Variants in SLC24A2 observed in about 807,000 individuals in gnomAD.
SLC24A2 encodes sodium/potassium/calcium exchanger 2.
Under a neutral mutation model 62.0 loss-of-function variants are expected in SLC24A2, and 36 were observed. That is an observed-to-expected ratio of 0.58 (90% CI 0.44 to 0.77). The LOEUF is 0.77. Ranked by LOEUF, SLC24A2 falls within the 30% of genes least tolerant of loss-of-function variation. The pLI, the probability that SLC24A2 is intolerant of heterozygous loss-of-function variation, is 0.00. For synonymous variants in SLC24A2, 358 were observed against 294.0 expected (o/e 1.22, Z -2.23); for missense variants, 846 against 817.9 (o/e 1.03, Z -0.42).
At chr9:20,157,717 G>GA in the SLC24A2 span, among the ~76,000 whole-genome samples, 1 of 151,342 alleles carries the variant, frequency 6.6e-6, no homozygotes, top group Non-Finnish European at 1.5e-5. Context: ...ATGTGGCAGT[G>GA]AAGAGAAAAA....
the SLC24A2 span, among the ~76,000 whole-genome samples, chr9:19,837,674 G>A: frequency 5.9e-5 from 9 of 151,918 alleles, no homozygotes; most frequent in Non-Finnish European, 8.8e-5. Context: ...AAACCCCATC[G>A]TCTCAGCCAA....
the SLC24A2 span, among the ~76,000 whole-genome samples, chr9:20,210,916 G>A: frequency 6.6e-6 from 1 of 152,060 alleles, no homozygotes; most frequent in Non-Finnish European, 1.5e-5. Flanking sequence ...CACTGCTGTT[G>A]CTGCCCGCTT....
chr9:19,641,662 G>A (rs966510874), intron 2 of SLC24A2, among the ~76,000 whole-genome samples: 15 of 151,966 alleles, frequency 9.9e-5, no homozygotes, highest in Admixed American at 5.2e-4. Flanking sequence ...CCACAGGTGC[G>A]TGCCACCGTG....
intron 2 of SLC24A2, among the ~76,000 whole-genome samples, chr9:19,782,287 T>G (rs1000379055): frequency 1.3e-5 from 2 of 152,186 alleles, no homozygotes; most frequent in African/African-American, 4.8e-5. Context: ...CCTGCAGGAT[T>G]CAAACTTATT....
chr9:20,103,372 C>A, the SLC24A2 span, among the ~76,000 whole-genome samples: 1 of 152,258 alleles, frequency 6.6e-6, no homozygotes, highest in East Asian at 1.9e-4. Context: ...AGCTGGAGAT[C>A]TGAGAACAGG....
At chr9:20,050,571 G>A in the SLC24A2 span, among the ~76,000 whole-genome samples, 1 of 152,164 alleles carries the variant, frequency 6.6e-6, no homozygotes, top group Non-Finnish European at 1.5e-5. Flanking sequence ...AGTGTTTAAT[G>A]CTTTTTGAAC....
the SLC24A2 span, among the ~76,000 whole-genome samples, chr9:19,873,554 C>CTTTCTTTCTTTCTTTCTTTCTTTCTT: frequency 7.3e-6 from 1 of 136,852 alleles, no homozygotes; most frequent in Non-Finnish European, 1.6e-5. Flanking sequence ...TTCTTTCTTT[C>CTTTCTTTCTTTCTTTCTTTCTTTCTT]TCTCTCTCTC....
At chr9:20,135,709 C>A in the SLC24A2 span, among the ~76,000 whole-genome samples, 1 of 151,992 alleles carries the variant, frequency 6.6e-6, no homozygotes, top group Non-Finnish European at 1.5e-5. Context: ...AAATTATGTG[C>A]TCGAACTAGT....
chr9:19,943,610 C>G, the SLC24A2 span, among the ~76,000 whole-genome samples: 3 of 152,126 alleles, frequency 2.0e-5, no homozygotes, highest in Non-Finnish European at 2.9e-5. Flanking sequence ...GCATTTGTGT[C>G]TCTTCTCTAA....
At chr9:19,547,639 C>G (rs1334796067) in intron 8 of SLC24A2, among the ~76,000 whole-genome samples, 2 of 151,628 alleles carry the variant, frequency 1.3e-5, no homozygotes, top group African/African-American at 4.9e-5. Flanking sequence ...ATCTTCCTCC[C>G]ATTCCTGCAC....
At chr9:20,136,225 G>A in the SLC24A2 span, among the ~76,000 whole-genome samples, 49 of 152,250 alleles carry the variant, frequency 3.2e-4, no homozygotes, top group East Asian at 9.3e-3. Flanking sequence ...GCTAGATAAA[G>A]CTAGAAAACA....
intron 2 of SLC24A2, among the ~76,000 whole-genome samples, chr9:19,729,793 A>C (rs867282980): frequency 1.3e-5 from 2 of 152,292 alleles, no homozygotes; most frequent in Middle Eastern, 6.8e-3. Flanking sequence ...AATAAGTTCT[A>C]GTGCTCTATC....
the SLC24A2 span, among the ~76,000 whole-genome samples, chr9:20,081,279 G>A: frequency 1.3e-5 from 2 of 151,606 alleles, no homozygotes; most frequent in African/African-American, 4.9e-5. Flanking sequence ...ACATATACAC[G>A]ATGGAATACT....
At chr9:19,834,310 GA>G in the SLC24A2 span, among the ~76,000 whole-genome samples, 1 of 149,066 alleles carries the variant, frequency 6.7e-6, no homozygotes, top group Non-Finnish European at 1.5e-5. Context: ...CAATGGCAAA[GA>G]AGTTAAAAAC....
At chr9:20,146,336 G>T in the SLC24A2 span, among the ~76,000 whole-genome samples, 1 of 152,146 alleles carries the variant, frequency 6.6e-6, no homozygotes. Flanking sequence ...CTGACATCAG[G>T]TGTCTTAGTT....
At chr9:19,916,170 C>G in the SLC24A2 span, among the ~76,000 whole-genome samples, 10 of 151,986 alleles carry the variant, frequency 6.6e-5, no homozygotes, top group Admixed American at 6.6e-4. Flanking sequence ...ACTATTCTTT[C>G]CTCATTTAGT....
At chr9:20,278,099 G>T in the SLC24A2 span, among the ~76,000 whole-genome samples, 1 of 151,768 alleles carries the variant, frequency 6.6e-6, no homozygotes, top group Non-Finnish European at 1.5e-5. Context: ...GGTTGGGGGA[G>T]GGGGAGGGAT....
At chr9:20,191,097 T>C in the SLC24A2 span, among the ~76,000 whole-genome samples, 1 of 152,040 alleles carries the variant, frequency 6.6e-6, no homozygotes, top group Admixed American at 6.6e-5. Flanking sequence ...GATAAAGTGC[T>C]CTTTGAGTCA....
chr9:20,236,979 C>T, the SLC24A2 span, among the ~76,000 whole-genome samples: 1 of 151,840 alleles, frequency 6.6e-6, no homozygotes, highest in African/African-American at 2.4e-5. Flanking sequence ...GGGGTGGGGA[C>T]AGACAAACAC....
Sources: allele counts gnomAD v4.1 joint callset (sites outside exome capture counted in the v4.1 genomes callset), GRCh38; gene constraint gnomAD v4.1.1; transcripts MANE v1.5; gene names NCBI Gene and HGNC (gene_info 2026-07-23, HGNC 2026-07-21).